The following ITGA9 variants were observed in gnomAD, a reference collection of about 807,000 sequenced individuals.
The protein encoded by ITGA9 is integrin subunit alpha 9.
In ITGA9, 56 loss-of-function variants were observed where a neutral mutation model predicts 127.8. The ratio of observed to expected loss-of-function variants is 0.44; its 90% CI spans 0.35 to 0.55. The LOEUF (loss-of-function observed/expected upper bound fraction) is 0.55, where lower values mean the gene tolerates loss of function less well. Among genes scored for constraint, ITGA9 ranks in the 20% least tolerant of loss-of-function variants. The pLI is 0.00. For synonymous variants in ITGA9, 508 were observed against 514.5 expected (o/e 0.99, Z 0.17); for missense variants, 1,196 against 1,347.1 (o/e 0.89, Z 1.76).
chr3:37,520,848 G>A (rs946935640), intron 11 of ITGA9, among the ~76,000 whole-genome samples: 2 of 152,140 alleles, frequency 1.3e-5, no homozygotes, highest in African/African-American at 4.8e-5. Flanking sequence ...CATTCTCCAC[G>A]CATCCTCCGG....
chr3:37,529,227 T>C (rs1187301986), intron 13 of ITGA9, among the ~76,000 whole-genome samples: 1 of 152,092 alleles, frequency 6.6e-6, no homozygotes, highest in Non-Finnish European at 1.5e-5. Flanking sequence ...ATTTTATGGG[T>C]GAGGAGACCA....
chr3:37,658,623 T>C (rs1178428981), intron 17 of ITGA9, among the ~76,000 whole-genome samples: 2 of 152,190 alleles, frequency 1.3e-5, no homozygotes, highest in Non-Finnish European at 2.9e-5. Flanking sequence ...CACTGATGGG[T>C]CTTGACTCTT....
chr3:37,785,472 TTTTGG>T (rs1038049837), intron 26 of ITGA9, among the ~76,000 whole-genome samples: 3 of 152,042 alleles, frequency 2.0e-5, no homozygotes, highest in African/African-American at 4.8e-5. Flanking sequence ...AAATACTGTG[TTTTGG>T]TTTGGTTTGG....
chr3:37,672,461 C>T (rs1700646179), intron 17 of ITGA9, among the ~76,000 whole-genome samples: 1 of 152,124 alleles, frequency 6.6e-6, no homozygotes, highest in African/African-American at 2.4e-5. Flanking sequence ...GTGAGGCCTC[C>T]CCAGCCATGT....
At chr3:37,492,993 G>A (rs574762612) in intron 4 of ITGA9, among the ~76,000 whole-genome samples, 71 of 152,314 alleles carry the variant, frequency 4.7e-4, no homozygotes, top group African/African-American at 1.7e-3. Context: ...GCAAGATTCT[G>A]CAGGGAACAA....
At chr3:37,654,585 G>A (rs527373934) in intron 17 of ITGA9, among the ~76,000 whole-genome samples, 1 of 152,172 alleles carries the variant, frequency 6.6e-6, no homozygotes, top group South Asian at 2.1e-4. Context: ...CACTAGTTTT[G>A]GTAGTTATTT....
intron 15 of ITGA9, among the ~76,000 whole-genome samples, chr3:37,554,278 G>A (rs1348464104): frequency 1.3e-5 from 2 of 152,100 alleles, no homozygotes; most frequent in Non-Finnish European, 2.9e-5. Context: ...AGCAAAGCAT[G>A]GAAGGAGGCT....
intron 16 of ITGA9, among the ~76,000 whole-genome samples, chr3:37,641,905 C>A (rs2125641859): frequency 6.6e-6 from 1 of 152,286 alleles, no homozygotes; most frequent in East Asian, 1.9e-4. Context: ...CCTCAAAGAA[C>A]CATTCTCCCA....
intron 18 of ITGA9, among the ~76,000 whole-genome samples, chr3:37,697,556 A>G (rs1045413798): frequency 2.6e-5 from 4 of 151,890 alleles, no homozygotes; most frequent in African/African-American, 4.8e-5. Flanking sequence ...TCATTGTTCA[A>G]TTCCCACCTA....
chr3:37,573,960 C>T (rs1247919564), intron 15 of ITGA9, among the ~76,000 whole-genome samples: 3 of 152,048 alleles, frequency 2.0e-5, no homozygotes, highest in African/African-American at 7.2e-5. Context: ...CATGGGAATC[C>T]TAGGACTCCA....
chr3:37,758,044 C>T (rs1258052196), intron 23 of ITGA9, among the ~76,000 whole-genome samples: 1 of 151,604 alleles, frequency 6.6e-6, no homozygotes, highest in Non-Finnish European at 1.5e-5. Context: ...AAATTGAGGG[C>T]CGGGCGCGGT....
chr3:37,733,506 T>C, intron 19 of ITGA9, among the ~76,000 whole-genome samples: 1 of 92,702 alleles, frequency 1.1e-5, no homozygotes, highest in African/African-American at 4.7e-5. Flanking sequence ...AGAGTGAGAC[T>C]CCGTCTCACA....
intron 23 of ITGA9, among the ~76,000 whole-genome samples, chr3:37,774,136 G>A (rs1696876349): frequency 6.6e-6 from 1 of 152,224 alleles, no homozygotes; most frequent in Admixed American, 6.5e-5. Context: ...TAGCACTGCA[G>A]CAGTTGTTTT....
chr3:37,669,348 G>A (rs1267204647), intron 17 of ITGA9, among the ~76,000 whole-genome samples: 1 of 152,204 alleles, frequency 6.6e-6, no homozygotes, highest in Non-Finnish European at 1.5e-5. Flanking sequence ...AGTTTATGCT[G>A]CACAGCTCCC....
At chr3:37,788,381 T>C (rs73825422) in intron 26 of ITGA9, among the ~76,000 whole-genome samples, 2,130 of 151,962 alleles carry the variant, frequency 0.014, 27 homozygotes, top group Middle Eastern at 0.054. Context: ...GAACCTTAGG[T>C]CATATATTCT....
intron 14 of ITGA9, among the ~76,000 whole-genome samples, chr3:37,539,135 A>C (rs1312077415): frequency 6.6e-6 from 1 of 152,212 alleles, no homozygotes; most frequent in East Asian, 1.9e-4. Context: ...CAGTGAGATG[A>C]AACTTTGGAG....
intron 15 of ITGA9, among the ~76,000 whole-genome samples, chr3:37,562,462 G>A (rs1699502873): frequency 6.6e-6 from 1 of 152,140 alleles, no homozygotes; most frequent in African/African-American, 2.4e-5. Context: ...TTCTAACCAT[G>A]CCCCCTCCCC....
chr3:37,780,201 G>A (rs573755876), intron 25 of ITGA9, among the ~76,000 whole-genome samples, 180 bp downstream of exon 25: 49 of 152,276 alleles, frequency 3.2e-4, no homozygotes, highest in African/African-American at 1.1e-3. Flanking sequence ...TATTTAGGGG[G>A]TACAAGTGCA....
intron 18 of ITGA9, among the ~76,000 whole-genome samples, chr3:37,696,804 TA>T (rs575813512): frequency 4.6e-5 from 7 of 152,206 alleles, no homozygotes; most frequent in Non-Finnish European, 1.0e-4. Flanking sequence ...CTTTTTGTGT[TA>T]TTTGGAAGTG....
Sources: gnomAD v4.1 joint callset for allele counts (sites outside exome capture counted in the v4.1 genomes callset) on GRCh38, gnomAD v4.1.1 for gene constraint, MANE v1.5 for transcripts, NCBI Gene and HGNC (gene_info 2026-07-23, HGNC 2026-07-21) for gene names.